The following SERPINB12 variants were observed in gnomAD, a reference collection of about 807,000 sequenced individuals.
The protein encoded by SERPINB12 is serpin B12.
In SERPINB12, 57 loss-of-function variants were observed where a neutral mutation model predicts 41.1. The observed-to-expected ratio is 1.39, with a 90% CI of 1.12 to 1.73. The LOEUF is 1.73. SERPINB12 is among the 40% of genes most tolerant of loss of function. The pLI is 0.00. For missense variants in SERPINB12, 536 were observed against 501.9 expected, an observed-to-expected ratio of 1.07 and a Z score of -0.65; for synonymous variants, 180 against 181.3, an observed-to-expected ratio of 0.99 and a Z score of 0.06.
At chr18:63,542,997 A>G (rs148545219) in intron 1 of SERPINB12, among the ~76,000 whole-genome samples, 287 of 152,304 alleles carry the variant, frequency 1.9e-3, no homozygotes, top group African/African-American at 6.6e-3. Flanking sequence ...GCTGCACAGT[A>G]TTCCATGCTG....
At chr18:63,556,590 A>T (rs1910688256) in intron 2 of SERPINB12, among the ~76,000 whole-genome samples, 1 of 151,592 alleles carries the variant, frequency 6.6e-6, no homozygotes, top group South Asian at 2.1e-4. Context: ...ATTCATCTCT[A>T]TCTTTATCTC....
At chr18:63,522,606 TCTTGATTAGCAGTTTCACAAATTCAAC>T in the SERPINB12 span, among the ~76,000 whole-genome samples, 54 of 152,220 alleles carry the variant, frequency 3.5e-4, 1 homozygote, top group African/African-American at 1.2e-3. Flanking sequence ...TTTTGCTTGA[TCTTGATTAGCAGTTTCACAAATTCAAC>T]AGTTTCTCCT....
At chr18:63,544,452 T>C (rs1241105803) in intron 1 of SERPINB12, among the ~76,000 whole-genome samples, 2 of 152,206 alleles carry the variant, frequency 1.3e-5, no homozygotes, top group African/African-American at 2.4e-5. Flanking sequence ...TCTTATTTTT[T>C]TAAGGGCGAG....
chr18:63,536,100 G>T, the SERPINB12 span, among the ~76,000 whole-genome samples: 2 of 151,358 alleles, frequency 1.3e-5, no homozygotes, highest in African/African-American at 4.8e-5. Flanking sequence ...CTGGATAAAT[G>T]GTATATATAG....
At chr18:63,544,841 T>A (rs1348337596) in intron 1 of SERPINB12, among the ~76,000 whole-genome samples, 4 of 152,210 alleles carry the variant, frequency 2.6e-5, no homozygotes, top group African/African-American at 9.6e-5. Context: ...CTGCTTTAGA[T>A]AAAAGATGCA....
chr18:63,535,434 A>G, the SERPINB12 span, among the ~76,000 whole-genome samples: 2 of 152,182 alleles, frequency 1.3e-5, no homozygotes, highest in Non-Finnish European at 2.9e-5. Context: ...CGTAACTCGA[A>G]TCTAATCATG....
intron 5 of SERPINB12, 33 bp from the exon 6 acceptor site, chr18:63,563,945 A>G: frequency 6.3e-7 from 1 of 1,574,958 alleles, no homozygotes; most frequent in Non-Finnish European, 8.6e-7. Flanking sequence ...GATACAATTC[A>G]TACTCAGGAT....
chr18:63,534,729 T>C, the SERPINB12 span, among the ~76,000 whole-genome samples: 5 of 152,170 alleles, frequency 3.3e-5, no homozygotes, highest in Non-Finnish European at 7.4e-5. Flanking sequence ...TCAGTACTTG[T>C]TTTATGAGTT....
At chr18:63,538,610 GT>G (rs1910217047), upstream of SERPINB12, among the ~76,000 whole-genome samples, 1 of 152,068 alleles carries the variant, frequency 6.6e-6, no homozygotes, top group South Asian at 2.1e-4. Context: ...TATTTGAGTT[GT>G]TTTTTCTTTT....
At chr18:63,552,429 G>A (rs146687383) in intron 1 of SERPINB12, among the ~76,000 whole-genome samples, 10 of 152,086 alleles carry the variant, frequency 6.6e-5, no homozygotes, top group African/African-American at 2.4e-4. Flanking sequence ...AACAGTCTAA[G>A]CTTATTTTTA....
chr18:63,523,376 G>C, the SERPINB12 span, among the ~76,000 whole-genome samples: 5 of 152,136 alleles, frequency 3.3e-5, no homozygotes, highest in African/African-American at 1.2e-4. Context: ...TTGTTTCCTA[G>C]GCCAATTACT....
chr18:63,564,974 C>G lies in SERPINB12; in HGVS notation c.706-471C>G, dbSNP rs187846936. Among the ~76,000 whole-genome samples, 12 of 152,238 alleles carry G rather than the reference C, an allele frequency of 7.9e-5. No individual in the cohort carries two copies. The East Asian group carries it at 1.9e-3, about 24-fold the overall frequency. On this transcript the variant is annotated intron_variant, in intron 6 of 7. Coordinates refer to ENST00000382768, the MANE Select transcript of SERPINB12 (RefSeq NM_001307928.2). ...GCTGAGGAGGGAGGATCAGTTGAGA[C>G]TAGGAGTTTGAGACTAGCCTGGGCA...
At chr18:63,566,550 G>A in intron 7 of SERPINB12, 57 bp from the exon 8 acceptor site, 1 of 1,485,672 alleles carries the variant, frequency 6.7e-7, no homozygotes, top group East Asian at 2.3e-5. Context: ...GAAGTAATTG[G>A]GGCATTCTTT....
intron 1 of SERPINB12, among the ~76,000 whole-genome samples, chr18:63,555,161 C>A (rs1365272083): frequency 6.6e-6 from 1 of 152,090 alleles, no homozygotes; most frequent in Non-Finnish European, 1.5e-5. Context: ...ACATCAAGAC[C>A]CCCAGCATCA....
the SERPINB12 span, among the ~76,000 whole-genome samples, chr18:63,522,075 A>G: frequency 5.3e-5 from 8 of 152,250 alleles, no homozygotes; most frequent in Non-Finnish European, 7.3e-5. Flanking sequence ...TAATCAAAAT[A>G]AGACTAATTT....
the SERPINB12 span, among the ~76,000 whole-genome samples, chr18:63,534,259 T>C: frequency 6.6e-6 from 1 of 152,180 alleles, no homozygotes; most frequent in East Asian, 1.9e-4. Context: ...TAGCAATTGA[T>C]AGTCTGTTTT....
At chr18:63,534,662 G>A in the SERPINB12 span, among the ~76,000 whole-genome samples, 1 of 152,182 alleles carries the variant, frequency 6.6e-6, no homozygotes, top group South Asian at 2.1e-4. Context: ...ACCGGATCAA[G>A]CAGACTCCCT....
intron 3 of SERPINB12, among the ~76,000 whole-genome samples, chr18:63,559,063 C>T (rs966274851): frequency 0.69 from 76,761 of 110,836 alleles, 24,422 homozygotes; most frequent in Non-Finnish European, 0.76. Flanking sequence ...TCTTTCTCTC[C>T]TTCTTCTCTC....
At chr18:63,556,454 G>T (rs929119309) in intron 2 of SERPINB12, 127 bp downstream of exon 2, 56 of 650,276 alleles carry the variant, frequency 8.6e-5, no homozygotes, top group Non-Finnish European at 1.4e-4. Context: ...ACCCATCCCT[G>T]TCTCTGAGTC....
Sources: allele counts gnomAD v4.1 joint callset (sites outside exome capture counted in the v4.1 genomes callset), GRCh38; gene constraint gnomAD v4.1.1; transcripts MANE v1.5; gene names NCBI Gene and HGNC (gene_info 2026-07-23, HGNC 2026-07-21).